Variants in HMGXB3 observed in about 807,000 individuals in gnomAD.
HMGXB3 encodes the protein HMG domain-containing protein 3.
In HMGXB3, 45 loss-of-function variants were observed where a neutral mutation model predicts 121.5. That is an observed-to-expected ratio of 0.37 (90% CI 0.29 to 0.47). The LOEUF is 0.47. Ranked by LOEUF, HMGXB3 falls within the 20% of genes least tolerant of loss-of-function variation. HMGXB3 has a pLI of 0.99. For missense variants in HMGXB3, 1,376 were observed against 1,602.2 expected (o/e 0.86, Z 2.41); for synonymous variants, 590 against 624.1 (o/e 0.95, Z 0.81).
At chr5:150,026,432 A>G (rs761346345) in intron 7 of HMGXB3, among the ~76,000 whole-genome samples, 2 of 152,238 alleles carry the variant, frequency 1.3e-5, no homozygotes, top group African/African-American at 2.4e-5. Context: ...CGCTGTAGAC[A>G]TCGTTTTACA....
chr5:150,034,033 A>T (rs1483316884), intron 11 of HMGXB3, among the ~76,000 whole-genome samples: 1 of 152,180 alleles, frequency 6.6e-6, no homozygotes, highest in South Asian at 2.1e-4. Context: ...GGCAAGGTAG[A>T]TTAGATCTGG....
intron 5 of HMGXB3, chr5:150,015,026 C>A: frequency 1.8e-6 from 1 of 540,586 alleles, no homozygotes; most frequent in East Asian, 3.5e-5. Context: ...ATGATTGCCC[C>A]TTTTTGGCCT....
rs564443510 is a variant in HMGXB3, at chr5:150,047,505, A to G, written c.2951-119A>G. The G allele has an allele frequency of 7.0e-5, 84 of 1,196,720 alleles. 2 individuals are homozygous for G. The Admixed American group carries it at 1.4e-3, about 21-fold the overall frequency. The allele number at this position is 1,196,720 out of a possible 1,614,324, so 74.1% of individuals were successfully genotyped here. On this transcript the variant is annotated intron_variant, in intron 16 of 19. Transcript: ENST00000502717. ...ACCTGACTTGAGTTCCACCTCTGCC[A>G]GCACTGGGGGAGGGCTTGGTGCAGA...
Position 150,010,104 on chromosome 5 carries a change from T to C in HMGXB3, c.313-7T>C. 1 of 1,546,720 alleles carries C rather than the reference T, an allele frequency of 6.5e-7. No individual in the cohort carries two copies. Among genetic ancestry groups the C allele is most frequent in the Non-Finnish European group, 8.7e-7 (1 of 1,143,688 alleles). ...TGTCTCCCCCTTCCTGGCTTCCTCA[T>C]CCTCAGAACTCTAAGCTCTCTGCAC... On this transcript the variant is annotated splice_region_variant and splice_polypyrimidine_tract_variant and intron_variant, in intron 3 of 19. Coordinates refer to ENST00000502717, the MANE Select transcript of HMGXB3 (RefSeq NM_014983.3).
At chr5:150,014,807 G>A in intron 5 of HMGXB3, 1 of 431,052 alleles carries the variant, frequency 2.3e-6, no homozygotes, top group Non-Finnish European at 4.2e-6. Context: ...TATTTAACTT[G>A]GGAGGTGGGG....
intron 5 of HMGXB3, among the ~76,000 whole-genome samples, chr5:150,014,026 G>T (rs971043482): frequency 7.5e-4 from 114 of 152,198 alleles, no homozygotes; most frequent in African/African-American, 2.7e-3. Context: ...CAAACCACTT[G>T]TTGCTTATTT....
chr5:150,020,459 T>A (rs570138619), intron 6 of HMGXB3, among the ~76,000 whole-genome samples: 1 of 152,370 alleles, frequency 6.6e-6, no homozygotes, highest in African/African-American at 2.4e-5. Context: ...CCTGTGCTTA[T>A]ACATGAAAGA....
rs372448430 is a variant in HMGXB3 at position 150,006,655 on chromosome 5, A to AT, written c.312+17dup. On this transcript the variant is annotated intron_variant, in intron 3 of 19. Transcript: ENST00000502717. ...AAGGAAGGTTTGGATCCTGTAAGTA[A>AT]TTTTTTTTTCCAGCTATTTTTTCCA... 434 of 1,542,306 alleles carry AT rather than the reference A, an allele frequency of 2.8e-4. 2 individuals are homozygous for AT. In the African/African-American group the frequency reaches 3.8e-3, roughly 13 times the overall value.
intron 9 of HMGXB3, among the ~76,000 whole-genome samples, chr5:150,028,559 A>ATATATAT (rs1375655538): frequency 3.6e-4 from 14 of 38,900 alleles, no homozygotes; most frequent in Non-Finnish European, 5.6e-4. Context: ...ATATATATAT[A>ATATATAT]TTTTTTTTTT....
chr5:150,041,804 G>A lies in HMGXB3; in HGVS notation c.2565G>A (p.Glu855=), dbSNP rs1756640049. ...QEQTEKTLTS[E]ELSQLQELLC... ...TTTCAGAGAAGACTCTGACCTCGGA[G>A]GAGCTGAGCCAGCTGCAGGAGCTGC... Residue 855 remains glutamate, a synonymous_variant, in exon 15 of 20, where the codon GAG becomes GAA. Coordinates refer to ENST00000502717, the MANE Select transcript of HMGXB3 (RefSeq NM_014983.3). 3.9e-6 allele frequency: 6 copies of A among 1,551,482 alleles called. No individual in the cohort carries two copies. Among genetic ancestry groups the A allele is most frequent in the Non-Finnish European group, 5.2e-6 (6 of 1,146,832 alleles).
chr5:150,021,435 T>G (rs1756090473), intron 6 of HMGXB3: 1 of 196,980 alleles, frequency 5.1e-6, no homozygotes, highest in Admixed American at 5.6e-5. Flanking sequence ...CTGCAGAATG[T>G]AAGACAAGCT....
chr5:150,004,384 A>G (rs929243895), intron 1 of HMGXB3, among the ~76,000 whole-genome samples: 1 of 152,234 alleles, frequency 6.6e-6, no homozygotes, highest in South Asian at 2.1e-4. Flanking sequence ...GAGTGAATCA[A>G]TGAAGGGATT....
chr5:150,029,461 A>T (rs764992536), intron 9 of HMGXB3, among the ~76,000 whole-genome samples: 1 of 152,060 alleles, frequency 6.6e-6, no homozygotes, highest in African/African-American at 2.4e-5. Context: ...ATCTCTCAAA[A>T]TTTCCTAAGT....
At chr5:150,037,294 C>A in intron 12 of HMGXB3, 106 bp from the exon 13 acceptor site, 1 of 1,166,382 alleles carries the variant, frequency 8.6e-7, no homozygotes, top group Non-Finnish European at 1.2e-6. Context: ...CTAGAAAATC[C>A]TAAGCTCCAG....
At chr5:150,046,949 G>T (rs1289198732) in intron 16 of HMGXB3, among the ~76,000 whole-genome samples, 1 of 149,550 alleles carries the variant, frequency 6.7e-6, no homozygotes, top group Non-Finnish European at 1.5e-5. Flanking sequence ...GCAGTGTTGT[G>T]ATCTGGGCTC....
chr5:150,011,778 A>ATTTTTTTT (rs372705667), intron 4 of HMGXB3, among the ~76,000 whole-genome samples: 6 of 140,978 alleles, frequency 4.3e-5, no homozygotes, highest in Admixed American at 4.2e-4. Flanking sequence ...TAATTTTTGT[A>ATTTTTTTT]TTTTTTTTTT....
chr5:150,040,957 A>G, intron 14 of HMGXB3, 78 bp downstream of exon 14: 1 of 1,326,732 alleles, frequency 7.5e-7, no homozygotes, highest in Non-Finnish European at 1.0e-6. Context: ...TTTGGTTAAA[A>G]GACTCATTTT....
In HMGXB3 at chr5:150,047,972, G is replaced by A. The variant is rs150948048; in HGVS notation, c.3084+215G>A. Among the ~76,000 whole-genome samples the A allele has an allele frequency of 1.3e-4, 20 of 152,360 alleles. No homozygotes were observed. In the East Asian group the frequency reaches 3.9e-3, roughly 29 times the overall value. On this transcript the variant is annotated intron_variant, in intron 17 of 19. Transcript: ENST00000502717. Reference sequence around the variant, plus strand: ...CTCCTGTTGAAGGTTGTGAGCCTAGGCTCTGGGGTCAGGAATCCTGGCTCT... The same window carrying A: ...CTCCTGTTGAAGGTTGTGAGCCTAGACTCTGGGGTCAGGAATCCTGGCTCT...
At chr5:150,025,073 T>A (rs1216141465) in intron 7 of HMGXB3, among the ~76,000 whole-genome samples, 2 of 152,204 alleles carry the variant, frequency 1.3e-5, no homozygotes, top group African/African-American at 2.4e-5. Flanking sequence ...TCTGACTGTT[T>A]CTGGCTTCTG....
Sources: gnomAD v4.1 joint callset for allele counts (sites outside exome capture counted in the v4.1 genomes callset) on GRCh38, gnomAD v4.1.1 for gene constraint, MANE v1.5 for transcripts, NCBI Gene and HGNC (gene_info 2026-07-23, HGNC 2026-07-21) for gene names.